Variants in STXBP6 observed in about 807,000 individuals in gnomAD.
STXBP6 encodes the protein syntaxin binding protein 6.
Under a neutral mutation model 26.9 loss-of-function variants are expected in STXBP6, and 21 were observed. The ratio of observed to expected loss-of-function variants is 0.78; its 90% confidence interval spans 0.55 to 1.12. The LOEUF is 1.12. STXBP6 is among the 50% of genes most tolerant of loss of function. The pLI is 0.00. For synonymous variants in STXBP6, 97 were observed against 92.6 expected (o/e 1.05, Z -0.27); for missense variants, 232 against 257.9 (o/e 0.90, Z 0.69).
chr14:24,963,955 A>G (rs1404241662), intron 2 of STXBP6, among the ~76,000 whole-genome samples: 3 of 150,060 alleles, frequency 2.0e-5, no homozygotes, highest in African/African-American at 7.4e-5. Flanking sequence ...GTGTGTGTGA[A>G]TAACAGCAAG....
chr14:24,921,937 T>C (rs993765261), intron 2 of STXBP6, among the ~76,000 whole-genome samples: 1 of 152,038 alleles, frequency 6.6e-6, no homozygotes, highest in Non-Finnish European at 1.5e-5. Flanking sequence ...CTTTCACCAC[T>C]GCCCTTGGTA....
intron 2 of STXBP6, among the ~76,000 whole-genome samples, chr14:24,905,879 GAAT>G (rs1313715282): frequency 6.6e-6 from 1 of 152,132 alleles, no homozygotes; most frequent in African/African-American, 2.4e-5. Context: ...ATCTTTTACA[GAAT>G]ATGGTGTCAA....
intron 1 of STXBP6, among the ~76,000 whole-genome samples, chr14:25,041,844 C>T (rs550115511): frequency 1.5e-4 from 23 of 152,206 alleles, no homozygotes; most frequent in Non-Finnish European, 2.8e-4. Context: ...TCTGCCCTGG[C>T]ATTGTAACAA....
At chr14:25,030,225 C>G (rs1376281936) in intron 1 of STXBP6, among the ~76,000 whole-genome samples, 4 of 152,164 alleles carry the variant, frequency 2.6e-5, no homozygotes, top group Non-Finnish European at 5.9e-5. Context: ...GTGACTAGGC[C>G]TAGCCCCCAA....
chr14:24,937,467 C>T (rs1261882688), intron 2 of STXBP6, among the ~76,000 whole-genome samples: 1 of 152,196 alleles, frequency 6.6e-6, no homozygotes, highest in Non-Finnish European at 1.5e-5. Context: ...CAATTACACT[C>T]AACCTGTCTT....
intron 1 of STXBP6, among the ~76,000 whole-genome samples, chr14:25,039,588 C>T (rs531892257): frequency 8.1e-4 from 124 of 152,312 alleles, no homozygotes; most frequent in African/African-American, 2.7e-3. Flanking sequence ...GCTGGACCCA[C>T]GGAGACTTGG....
At chr14:24,891,789 T>C (rs951166416) in intron 2 of STXBP6, among the ~76,000 whole-genome samples, 4 of 152,236 alleles carry the variant, frequency 2.6e-5, no homozygotes, top group African/African-American at 9.6e-5. Flanking sequence ...CTGTGTTCCT[T>C]CTCTTCTGAC....
intron 2 of STXBP6, among the ~76,000 whole-genome samples, chr14:24,970,438 C>T (rs947011735): frequency 6.6e-6 from 1 of 152,142 alleles, no homozygotes; most frequent in Non-Finnish European, 1.5e-5. Context: ...CTACATCTTA[C>T]TTTTGTCTGT....
chr14:24,886,982 T>C (rs944736621), intron 2 of STXBP6, among the ~76,000 whole-genome samples: 6 of 152,310 alleles, frequency 3.9e-5, no homozygotes, highest in African/African-American at 1.4e-4. Flanking sequence ...ATTGAGTTTC[T>C]AAACAATAAA....
chr14:25,044,921 A>G (rs1295503178), intron 1 of STXBP6, among the ~76,000 whole-genome samples: 1 of 152,232 alleles, frequency 6.6e-6, no homozygotes. Flanking sequence ...GCTACCCACC[A>G]TTTATATTAT....
chr14:24,855,297 C>T (rs1483494691), intron 4 of STXBP6, among the ~76,000 whole-genome samples: 2 of 152,122 alleles, frequency 1.3e-5, no homozygotes, highest in African/African-American at 4.8e-5. Flanking sequence ...CCCCAACTCA[C>T]AGAGTTGTCA....
intron 2 of STXBP6, among the ~76,000 whole-genome samples, chr14:24,899,503 G>A (rs904301554): frequency 3.9e-5 from 6 of 152,076 alleles, no homozygotes; most frequent in Admixed American, 2.0e-4. Context: ...ACTTATGGCC[G>A]GGTGTGGTGG....
At chr14:24,997,881 AAAAG>A (rs1282204314) in intron 1 of STXBP6, among the ~76,000 whole-genome samples, 4 of 152,142 alleles carry the variant, frequency 2.6e-5, no homozygotes, top group Admixed American at 6.5e-5. Flanking sequence ...TGTGTATATA[AAAAG>A]AGAGAACATA....
intron 2 of STXBP6, among the ~76,000 whole-genome samples, chr14:24,919,117 G>A (rs959855943): frequency 2.0e-5 from 3 of 152,080 alleles, no homozygotes; most frequent in African/African-American, 4.8e-5. Context: ...GAGATGTGTC[G>A]GAGCTGCCTA....
At chr14:24,834,227 T>C (rs992577695) in intron 4 of STXBP6, among the ~76,000 whole-genome samples, 1 of 152,150 alleles carries the variant, frequency 6.6e-6, no homozygotes, top group Non-Finnish European at 1.5e-5. Context: ...ACTCCTGGGC[T>C]CAAGCAATCC....
At chr14:24,979,077 A>G (rs1222578272) in intron 1 of STXBP6, among the ~76,000 whole-genome samples, 2 of 152,224 alleles carry the variant, frequency 1.3e-5, no homozygotes, top group African/African-American at 2.4e-5. Flanking sequence ...CAGCCCTTAA[A>G]TATTTTTCAT....
At chr14:24,968,481 C>A (rs1021173659) in intron 2 of STXBP6, among the ~76,000 whole-genome samples, 4 of 152,042 alleles carry the variant, frequency 2.6e-5, no homozygotes, top group Admixed American at 6.5e-5. Context: ...AAGAGAGAAA[C>A]AGAGTTTCTC....
chr14:24,845,302 G>A (rs558020982), intron 4 of STXBP6, among the ~76,000 whole-genome samples: 30 of 152,166 alleles, frequency 2.0e-4, no homozygotes, highest in Middle Eastern at 3.4e-3. Flanking sequence ...ATGAGCCACC[G>A]CGCCTGGCCA....
chr14:25,020,138 T>C (rs932377566), intron 1 of STXBP6, among the ~76,000 whole-genome samples: 4 of 152,290 alleles, frequency 2.6e-5, no homozygotes, highest in African/African-American at 9.6e-5. Flanking sequence ...TCAGTTAAAC[T>C]TGGCCTGTTC....
Sources: gnomAD v4.1 joint callset for allele counts (sites outside exome capture counted in the v4.1 genomes callset) on GRCh38, gnomAD v4.1.1 for gene constraint, MANE v1.5 for transcripts, NCBI Gene and HGNC (gene_info 2026-07-23, HGNC 2026-07-21) for gene names.